JMJD1C: variants seen among roughly 807,000 people sequenced by gnomAD.
The protein encoded by JMJD1C is jumonji domain containing 1C.
Under a neutral mutation model 245.3 loss-of-function variants are expected in JMJD1C, and 31 were observed. That is an observed-to-expected ratio of 0.13 (90% CI 0.09 to 0.17). The LOEUF (loss-of-function observed/expected upper bound fraction) is 0.17, where lower values mean the gene tolerates loss of function less well. Ranked by LOEUF, JMJD1C falls within the 10% of genes least tolerant of loss-of-function variation. The pLI is 1.00. For missense variants in JMJD1C, 2,691 were observed against 3,000.2 expected (o/e 0.90, Z 2.41); for synonymous variants, 1,057 against 1,017.4 (o/e 1.04, Z -0.74).
At chr10:63,521,889 TCAGGGCAGGCGGC>T (rs1955264256), upstream of JMJD1C, 1 of 153,318 alleles carries the variant, frequency 6.5e-6, no homozygotes, top group Non-Finnish European at 1.4e-5. Flanking sequence ...GGGCAGGCGC[TCAGGGCAGGCGGC>T]GCGCGCTCCC....
At chr10:63,275,762 C>G (rs1856716630) in intron 2 of JMJD1C, among the ~76,000 whole-genome samples, 1 of 151,994 alleles carries the variant, frequency 6.6e-6, no homozygotes, top group Non-Finnish European at 1.5e-5. Context: ...TGAAAAAGAT[C>G]CCATATTCTT....
At chr10:63,511,037 A>G (rs1405249454) in intron 1 of JMJD1C, among the ~76,000 whole-genome samples, 1 of 152,182 alleles carries the variant, frequency 6.6e-6, no homozygotes, top group Non-Finnish European at 1.5e-5. Context: ...ATCTTTCTCC[A>G]TTCCTTTACT....
At chr10:63,519,022 C>T (rs1034382218) in intron 1 of JMJD1C, among the ~76,000 whole-genome samples, 1 of 152,126 alleles carries the variant, frequency 6.6e-6, no homozygotes, top group Admixed American at 6.5e-5. Flanking sequence ...AGGGAATAAA[C>T]GCTATATGGC....
chr10:63,437,061 G>T (rs905012546), intron 1 of JMJD1C, among the ~76,000 whole-genome samples: 3 of 152,046 alleles, frequency 2.0e-5, no homozygotes, highest in Non-Finnish European at 2.9e-5. Flanking sequence ...GCCCATCTCT[G>T]AATGCATCTT....
intron 24 of JMJD1C, among the ~76,000 whole-genome samples, chr10:63,175,376 T>C (rs560115885): frequency 1.3e-5 from 2 of 152,284 alleles, no homozygotes; most frequent in South Asian, 4.1e-4. Context: ...AAAAAGGTAT[T>C]TATTATTATG....
chr10:63,247,719 C>CAAAAAAAA lies in JMJD1C; in HGVS notation c.447+16924_447+16931dup, dbSNP rs71025135. ...CGCACACCAGCCTGGGTGACAGAGC[C>CAAAAAAAA]AAAAAAAAAAAAAAAAAAAGAAACA... is the stretch of plus-strand genomic sequence containing the variant. On this transcript the variant is annotated intron_variant, in intron 3 of 25. Coordinates refer to ENST00000399262, the MANE Select transcript of JMJD1C (RefSeq NM_032776.3). Among the ~76,000 whole-genome samples, 38 of 105,426 alleles carry CAAAAAAAA rather than the reference C, an allele frequency of 3.6e-4. 2 individuals are homozygous for CAAAAAAAA. Among genetic ancestry groups the CAAAAAAAA allele is most frequent in the East Asian group, 3.1e-3 (10 of 3,190 alleles). 69.2% of individuals were successfully genotyped at this position (105,426 alleles called of 152,430 possible). A position where few individuals can be genotyped will look rare whatever the true frequency, so the allele number is the denominator to read the frequency against.
intron 1 of JMJD1C, among the ~76,000 whole-genome samples, chr10:63,418,252 T>TG (rs1949911165): frequency 6.6e-6 from 1 of 152,154 alleles, no homozygotes; most frequent in Non-Finnish European, 1.5e-5. Context: ...TCCCAAGTAA[T>TG]GCCAATGCTA....
chr10:63,505,748 T>C (rs917523788), intron 1 of JMJD1C, among the ~76,000 whole-genome samples: 2 of 151,378 alleles, frequency 1.3e-5, no homozygotes, highest in Non-Finnish European at 1.5e-5. Context: ...AGAGTCACTT[T>C]TGAGAATGTA....
chr10:63,450,007 G>A (rs1286374167), intron 1 of JMJD1C, among the ~76,000 whole-genome samples: 1 of 152,090 alleles, frequency 6.6e-6, no homozygotes, highest in Non-Finnish European at 1.5e-5. Context: ...CAGTAACTTG[G>A]GAGGCTGAGA....
At chr10:63,341,461 A>AT (rs1943372000) in intron 2 of JMJD1C, among the ~76,000 whole-genome samples, 2 of 152,362 alleles carry the variant, frequency 1.3e-5, no homozygotes, top group South Asian at 4.1e-4. Flanking sequence ...CGTTAATACA[A>AT]TATGCATACA....
rs554914741 is a variant in JMJD1C at position 63,189,871 on chromosome 10, A to G, written c.6292-425T>C. On this transcript the variant is annotated intron_variant, in intron 17 of 25. Transcript: ENST00000399262. ...GATTACAGGCATGATTGACCCCCCA[A>G]TACTCCATATATATATACACATTTT... is the stretch of plus-strand genomic sequence containing the variant. Among the ~76,000 whole-genome samples the G allele has an allele frequency of 2.5e-4, 37 of 148,342 alleles. No homozygotes were observed. The East Asian group carries it at 6.8e-3, about 27-fold the overall frequency.
chr10:63,469,761 CGTT>C (rs1953431400), upstream of JMJD1C, among the ~76,000 whole-genome samples: 1 of 152,048 alleles, frequency 6.6e-6, no homozygotes, highest in African/African-American at 2.4e-5. Context: ...TAATGGACTG[CGTT>C]TATGAAGTCT....
intron 2 of JMJD1C, among the ~76,000 whole-genome samples, chr10:63,364,498 A>G (rs1945679804): frequency 6.6e-6 from 1 of 152,064 alleles, no homozygotes; most frequent in Non-Finnish European, 1.5e-5. Context: ...AAAGATAAGC[A>G]GGTTTTTTGT....
At chr10:63,441,739 CTT>C (rs973663600) in intron 1 of JMJD1C, among the ~76,000 whole-genome samples, 1 of 152,178 alleles carries the variant, frequency 6.6e-6, no homozygotes, top group Non-Finnish European at 1.5e-5. Flanking sequence ...AAAACCCTGA[CTT>C]TGATCCCTTT....
At chr10:63,237,123 C>T (rs182591543) in intron 3 of JMJD1C, among the ~76,000 whole-genome samples, 4 of 152,178 alleles carry the variant, frequency 2.6e-5, no homozygotes, top group East Asian at 3.9e-4. Flanking sequence ...CTGCAACCTC[C>T]GCTTCCCAGG....
At chr10:63,268,069 C>CG (rs1855834284) in intron 2 of JMJD1C, among the ~76,000 whole-genome samples, 1 of 151,538 alleles carries the variant, frequency 6.6e-6, no homozygotes, top group Non-Finnish European at 1.5e-5. Context: ...CTTATGTCTG[C>CG]AGTCTTAGTT....
chr10:63,346,673 A>G (rs751979615), intron 2 of JMJD1C, among the ~76,000 whole-genome samples: 2 of 152,084 alleles, frequency 1.3e-5, no homozygotes, highest in Non-Finnish European at 1.5e-5. Flanking sequence ...GCAGTACCAC[A>G]GCCTCTCTGA....
intron 3 of JMJD1C, among the ~76,000 whole-genome samples, chr10:63,238,237 ATAAT>A (rs1564660706): frequency 2.0e-5 from 3 of 151,464 alleles, no homozygotes; most frequent in Non-Finnish European, 4.4e-5. Flanking sequence ...CCAATGTATC[ATAAT>A]AGAAAAGCAC....
At chr10:63,184,848 C>T (rs1195823192) in intron 20 of JMJD1C, 110 bp from the exon 21 acceptor site, 1 of 995,682 alleles carries the variant, frequency 1.0e-6, no homozygotes, top group Non-Finnish European at 1.4e-6. Flanking sequence ...TTCCATAAGA[C>T]AGGTAACAAT....
Sources: gnomAD v4.1 joint callset for allele counts (sites outside exome capture counted in the v4.1 genomes callset) on GRCh38, gnomAD v4.1.1 for gene constraint, MANE v1.5 for transcripts, NCBI Gene and HGNC (gene_info 2026-07-23, HGNC 2026-07-21) for gene names.